Variants in RGS6 observed in about 807,000 individuals in gnomAD.
RGS6 encodes the protein regulator of G-protein signaling 6.
In RGS6, 30 loss-of-function variants were observed where a neutral mutation model predicts 78.5. That is an observed-to-expected ratio of 0.38 (90% CI 0.29 to 0.52). RGS6 has a LOEUF of 0.52. Ranked by LOEUF, RGS6 falls within the 20% of genes least tolerant of loss-of-function variation. RGS6 has a pLI of 0.85. For synonymous variants in RGS6, 206 were observed against 206.0 expected, an observed-to-expected ratio of 1.00 and a Z score of 0.00; for missense variants, 495 against 609.7, an observed-to-expected ratio of 0.81 and a Z score of 1.98.
At chr14:72,406,639 C>G (rs2092949568) in intron 3 of RGS6, among the ~76,000 whole-genome samples, 1 of 152,158 alleles carries the variant, frequency 6.6e-6, no homozygotes. Context: ...GGAAAGCTCC[C>G]TTTATAGAGC....
At chr14:72,361,565 A>G (rs847332) in intron 3 of RGS6, among the ~76,000 whole-genome samples, 89,350 of 151,966 alleles carry the variant, frequency 0.59, 28,351 homozygotes, top group African/African-American at 0.84. Context: ...ATAATATAAG[A>G]TATAACCATA....
chr14:72,475,673 G>A (rs760846718), intron 10 of RGS6, among the ~76,000 whole-genome samples: 72 of 152,186 alleles, frequency 4.7e-4, no homozygotes, highest in Middle Eastern at 3.4e-3. Context: ...AGGTTGCAGT[G>A]AGCAGAGATC....
chr14:72,396,851 T>C (rs2091417094), intron 3 of RGS6, among the ~76,000 whole-genome samples: 1 of 152,238 alleles, frequency 6.6e-6, no homozygotes, highest in Admixed American at 6.5e-5. Context: ...GATCAGATAG[T>C]TGTAGATGTG....
chr14:72,187,641 G>GA (rs924086789), intron 2 of RGS6, among the ~76,000 whole-genome samples: 6 of 150,556 alleles, frequency 4.0e-5, no homozygotes, highest in South Asian at 2.1e-4. Context: ...TATTTCCTTG[G>GA]AAAAAAAAAG....
At chr14:72,002,190 C>T (rs909718950) in intron 2 of RGS6, among the ~76,000 whole-genome samples, 16 of 152,016 alleles carry the variant, frequency 1.1e-4, no homozygotes, top group African/African-American at 3.9e-4. Flanking sequence ...TGCCCAGCAT[C>T]CTTAATCTCA....
chr14:72,377,091 T>C lies in RGS6; in HGVS notation c.184+24897T>C, dbSNP rs550045968. ...CCTTGAATGTAAATAGATTAAAATC[T>C]CCATTTAGATGTAGACTGACTGAAC... On this transcript the variant is annotated intron_variant, in intron 3 of 17. Coordinates refer to ENST00000553525, the MANE Select transcript of RGS6 (RefSeq NM_001204424.2). Among the ~76,000 whole-genome samples the C allele has an allele frequency of 7.9e-5, 12 of 152,222 alleles. No individual in the cohort carries two copies. The South Asian group carries it at 2.5e-3, about 32-fold the overall frequency.
chr14:72,218,498 T>A (rs1438236320), intron 2 of RGS6, among the ~76,000 whole-genome samples: 1 of 151,834 alleles, frequency 6.6e-6, no homozygotes, highest in East Asian at 1.9e-4. Context: ...GTATATTAGT[T>A]ATTAACTCTG....
intron 2 of RGS6, among the ~76,000 whole-genome samples, chr14:72,176,721 A>T (rs2097109453): frequency 6.6e-6 from 1 of 152,234 alleles, no homozygotes. Context: ...ATTATTTTAA[A>T]CTAGGGAAGA....
the RGS6 span, among the ~76,000 whole-genome samples, chr14:71,894,592 T>G: frequency 6.6e-6 from 1 of 152,196 alleles, no homozygotes; most frequent in African/African-American, 2.4e-5. Flanking sequence ...AATTCTTTCT[T>G]GCGTGAGAAC....
intron 3 of RGS6, among the ~76,000 whole-genome samples, chr14:72,437,614 A>G (rs998711730): frequency 6.6e-6 from 1 of 152,218 alleles, no homozygotes; most frequent in Non-Finnish European, 1.5e-5. Context: ...TTTTATATTT[A>G]CACCATCCTT....
At chr14:72,085,195 G>A (rs2153482856) in intron 2 of RGS6, among the ~76,000 whole-genome samples, 1 of 152,302 alleles carries the variant, frequency 6.6e-6, no homozygotes, top group East Asian at 1.9e-4. Context: ...TAAAGCAGAA[G>A]GGAAAGATAT....
chr14:71,873,946 T>G, the RGS6 span, among the ~76,000 whole-genome samples: 319 of 152,174 alleles, frequency 2.1e-3, 1 homozygote, highest in African/African-American at 7.3e-3. Flanking sequence ...AAGATCAGAT[T>G]GTTGTAGATG....
rs372818793 is a variant in RGS6 at position 72,489,307 on chromosome 14, G to A, written c.855-5845G>A. 1.9e-4 allele frequency among the ~76,000 whole-genome samples: 29 copies of A among 152,318 alleles called. No individual in the cohort carries two copies. The East Asian group carries it at 4.1e-3, about 21-fold the overall frequency. ...CTCGTCACCCCCTGAACAGGATTTC[G>A]GTTTTCTGCTGCTGGCTTGTCTTTG... On this transcript the variant is annotated intron_variant, in intron 12 of 17. Coordinates refer to ENST00000553525, the MANE Select transcript of RGS6 (RefSeq NM_001204424.2).
chr14:72,294,122 C>T (rs1483427139), intron 2 of RGS6, among the ~76,000 whole-genome samples: 2 of 152,166 alleles, frequency 1.3e-5, no homozygotes, highest in Non-Finnish European at 2.9e-5. Flanking sequence ...GACAGAGGTA[C>T]CATTTGTTCA....
intron 2 of RGS6, among the ~76,000 whole-genome samples, chr14:72,046,204 GTTTTT>G (rs200140046): frequency 3.3e-5 from 4 of 122,186 alleles, no homozygotes; most frequent in Non-Finnish European, 6.7e-5. Flanking sequence ...TCATTGTTGG[GTTTTT>G]TTTTTTTTTT....
intron 2 of RGS6, among the ~76,000 whole-genome samples, chr14:72,072,010 T>A (rs1345293530): frequency 6.6e-6 from 1 of 152,228 alleles, no homozygotes; most frequent in Non-Finnish European, 1.5e-5. Context: ...TAAATTTTTT[T>A]AACCTTAGTA....
chr14:72,132,214 T>C (rs996807194), intron 2 of RGS6, among the ~76,000 whole-genome samples: 1 of 152,136 alleles, frequency 6.6e-6, no homozygotes, highest in Non-Finnish European at 1.5e-5. Flanking sequence ...CCAGGCACTA[T>C]ATTTGGTTCT....
At chr14:72,543,961 C>A (rs978875730) in intron 17 of RGS6, among the ~76,000 whole-genome samples, 36 of 152,174 alleles carry the variant, frequency 2.4e-4, no homozygotes, top group African/African-American at 8.7e-4. Context: ...TTCTCAAACT[C>A]CTGACCTCAA....
rs561589781 is a variant in RGS6 at position 72,236,855 on chromosome 14, G to A, written c.85-115240G>A. 3.1e-3 allele frequency among the ~76,000 whole-genome samples: 469 copies of A among 151,804 alleles called. 1 individual carries two copies. Among genetic ancestry groups the A allele is most frequent in the African/African-American group, 0.011 (451 of 41,414 alleles). ...CACGCGGTGGCAGCTGCGCAGAGGC[G>A]CTTCTCACCTCCCAGATGGGCGGCG... On this transcript the variant is annotated intron_variant, in intron 2 of 17. Transcript: ENST00000553525.
Sources: allele counts gnomAD v4.1 joint callset (sites outside exome capture counted in the v4.1 genomes callset), GRCh38; gene constraint gnomAD v4.1.1; transcripts MANE v1.5; gene names NCBI Gene and HGNC (gene_info 2026-07-23, HGNC 2026-07-21).